TMEM132D: variants seen among roughly 807,000 people sequenced by gnomAD.
TMEM132D encodes the protein mature OL transmembrane protein.
Under a neutral mutation model 62.3 loss-of-function variants are expected in TMEM132D, and 21 were observed. The ratio of observed to expected loss-of-function variants is 0.34; its 90% CI spans 0.24 to 0.49. TMEM132D has a LOEUF of 0.49. Among genes scored for constraint, TMEM132D ranks in the 20% least tolerant of loss-of-function variants. TMEM132D has a pLI of 0.99. For synonymous variants in TMEM132D, 621 were observed against 575.6 expected (o/e 1.08, Z -1.13); for missense variants, 1,346 against 1,402.8 (o/e 0.96, Z 0.65).
At chr12:129,310,646 A>C (rs1445953415) in intron 4 of TMEM132D, among the ~76,000 whole-genome samples, 1 of 152,242 alleles carries the variant, frequency 6.6e-6, no homozygotes, top group African/African-American at 2.4e-5. Flanking sequence ...GTAAGCAAAG[A>C]GAAGAAACTC....
chr12:129,222,294 A>G (rs1276352437), intron 4 of TMEM132D, among the ~76,000 whole-genome samples: 1 of 152,080 alleles, frequency 6.6e-6, no homozygotes, highest in Non-Finnish European at 1.5e-5. Flanking sequence ...GTAAATTTCA[A>G]AATCTTATCA....
chr12:129,581,310 A>G (rs1201680745), intron 2 of TMEM132D, among the ~76,000 whole-genome samples: 1 of 152,196 alleles, frequency 6.6e-6, no homozygotes, highest in Non-Finnish European at 1.5e-5. Context: ...AGCCAAGTGT[A>G]CTAGGGTTCT....
intron 3 of TMEM132D, among the ~76,000 whole-genome samples, chr12:129,527,816 G>A (rs1815703685): frequency 6.6e-6 from 1 of 152,326 alleles, no homozygotes; most frequent in Non-Finnish European, 1.5e-5. Flanking sequence ...GATAGCTGGG[G>A]TAACATTCAC....
intron 4 of TMEM132D, among the ~76,000 whole-genome samples, chr12:129,248,336 T>C (rs957603458): frequency 6.6e-5 from 10 of 152,160 alleles, no homozygotes; most frequent in Admixed American, 1.3e-4. Flanking sequence ...CTGCAGAAAG[T>C]CTTAAAATAG....
chr12:129,804,458 G>A (rs1415829448), intron 1 of TMEM132D, among the ~76,000 whole-genome samples: 59 of 148,766 alleles, frequency 4.0e-4, no homozygotes, highest in Middle Eastern at 6.8e-3. Context: ...TATCTCAATA[G>A]ATGCAGAAAA....
intron 1 of TMEM132D, among the ~76,000 whole-genome samples, chr12:129,726,104 T>C (rs1254367479): frequency 6.6e-5 from 10 of 152,180 alleles, no homozygotes; most frequent in Non-Finnish European, 1.2e-4. Context: ...TCTCAACTCA[T>C]TGCTGGAAGA....
intron 1 of TMEM132D, among the ~76,000 whole-genome samples, chr12:129,812,989 C>T (rs1261231900): frequency 1.3e-5 from 2 of 151,838 alleles, no homozygotes; most frequent in African/African-American, 4.8e-5. Flanking sequence ...CACAACAAAT[C>T]TTATGCATTT....
intron 3 of TMEM132D, among the ~76,000 whole-genome samples, chr12:129,448,898 C>T (rs984553807): frequency 1.3e-5 from 2 of 152,094 alleles, no homozygotes; most frequent in African/African-American, 4.8e-5. Context: ...ATGCCAGTAA[C>T]GTATCATAAA....
chr12:129,248,967 C>T (rs910698789), intron 4 of TMEM132D, among the ~76,000 whole-genome samples: 1 of 151,976 alleles, frequency 6.6e-6, no homozygotes, highest in Non-Finnish European at 1.5e-5. Context: ...TTATAAAGAC[C>T]CATGTAGGCA....
Position 129,375,640 on chromosome 12 carries a change from AGTTG to A in TMEM132D, c.1116-37827_1116-37824del, listed in dbSNP as rs1247173195. Among the ~76,000 whole-genome samples the A allele has an allele frequency of 1.5e-3, 233 of 152,316 alleles. 1 individual carries two copies. The highest frequency in any genetic ancestry group is 5.5e-3 in the African/African-American group (227 of 41,562). Reference sequence around the variant, plus strand: ...GTATGGAGAGCATGCCCTTTAAATCAGTTGTCCTCAACCTGGACGGTCCAGTAGA... The same window carrying A: ...GTATGGAGAGCATGCCCTTTAAATCATCCTCAACCTGGACGGTCCAGTAGA... On this transcript the variant is annotated intron_variant, in intron 3 of 8. Transcript: ENST00000422113.
chr12:129,643,037 G>A (rs763060275), intron 2 of TMEM132D, among the ~76,000 whole-genome samples: 6 of 142,960 alleles, frequency 4.2e-5, no homozygotes, highest in African/African-American at 7.9e-5. Context: ...GGATTCTCCC[G>A]CCTCAGCCTC....
chr12:129,618,503 G>A (rs1878980887), intron 2 of TMEM132D, among the ~76,000 whole-genome samples: 1 of 152,124 alleles, frequency 6.6e-6, no homozygotes, highest in East Asian at 1.9e-4. Flanking sequence ...TAAAAGTTGA[G>A]TTACTATATT....
At chr12:129,138,220 G>T (rs1158809158) in intron 5 of TMEM132D, among the ~76,000 whole-genome samples, 2 of 152,110 alleles carry the variant, frequency 1.3e-5, no homozygotes, top group Non-Finnish European at 2.9e-5. Flanking sequence ...TTTTCTAAGA[G>T]AAATGATGAA....
In TMEM132D at chr12:129,470,024, G is replaced by A. The variant is rs533744028; in HGVS notation, c.1115+61035C>T. 8.3e-4 allele frequency among the ~76,000 whole-genome samples: 126 copies of A among 152,192 alleles called. 1 individual carries two copies. Among genetic ancestry groups the A allele is most frequent in the African/African-American group, 2.5e-3 (105 of 41,534 alleles). On this transcript the variant is annotated intron_variant, in intron 3 of 8. Coordinates refer to ENST00000422113, the MANE Select transcript of TMEM132D (RefSeq NM_133448.3). ...CCAGAGGGATGAAATATGGCTGCCC[G>A]GCCTGTGTACAGTATGTGAATCAAC... is the stretch of plus-strand genomic sequence containing the variant.
At chr12:129,381,524 T>A (rs147610834) in intron 3 of TMEM132D, among the ~76,000 whole-genome samples, 2 of 152,294 alleles carry the variant, frequency 1.3e-5, no homozygotes, top group Admixed American at 6.5e-5. Flanking sequence ...TAGGTAAATT[T>A]TTATTGATTC....
chr12:129,629,133 T>C (rs1031560085), intron 2 of TMEM132D, among the ~76,000 whole-genome samples: 1 of 152,080 alleles, frequency 6.6e-6, no homozygotes, highest in Admixed American at 6.6e-5. Context: ...CCTTCTACCA[T>C]GGTGCCTTTG....
intron 3 of TMEM132D, among the ~76,000 whole-genome samples, chr12:129,504,559 G>T (rs1189239074): frequency 6.6e-6 from 1 of 152,120 alleles, no homozygotes; most frequent in Non-Finnish European, 1.5e-5. Flanking sequence ...TTTCTGTGGT[G>T]TCAGTTGTAA....
chr12:129,441,295 A>T (rs11060348), intron 3 of TMEM132D, among the ~76,000 whole-genome samples: 1,862 of 152,312 alleles, frequency 0.012, 45 homozygotes, highest in East Asian at 0.089. Context: ...CCTTCTCCCA[A>T]GAGCGAGTGC....
At chr12:129,302,740 C>T (rs766922763) in intron 4 of TMEM132D, among the ~76,000 whole-genome samples, 2 of 152,212 alleles carry the variant, frequency 1.3e-5, no homozygotes, top group African/African-American at 4.8e-5. Flanking sequence ...TTCAGTGTCA[C>T]CTCCTTTTAC....
Sources: gnomAD v4.1 joint callset for allele counts (sites outside exome capture counted in the v4.1 genomes callset) on GRCh38, gnomAD v4.1.1 for gene constraint, MANE v1.5 for transcripts, NCBI Gene and HGNC (gene_info 2026-07-23, HGNC 2026-07-21) for gene names.